LIN28B: variants seen among roughly 807,000 people sequenced by gnomAD.
LIN28B encodes the protein protein lin-28 homolog B.
Under a neutral mutation model 21.9 loss-of-function variants are expected in LIN28B, and 5 were observed. That is an observed-to-expected ratio of 0.23 (90% CI 0.12 to 0.48). LIN28B has a LOEUF of 0.48. Ranked by LOEUF, LIN28B falls within the 20% of genes least tolerant of loss-of-function variation. The probability of loss-of-function intolerance (pLI) is 0.98; values close to 1 mark genes in which losing one functional copy is unlikely to be tolerated. For synonymous variants in LIN28B, 109 were observed against 111.3 expected (o/e 0.98, Z 0.13); for missense variants, 245 against 310.5 (o/e 0.79, Z 1.58).
chr6:105,049,121 A>G (rs993649628), intron 3 of LIN28B, among the ~76,000 whole-genome samples: 2 of 152,044 alleles, frequency 1.3e-5, no homozygotes, highest in African/African-American at 4.8e-5. Flanking sequence ...TCAATTTTAG[A>G]TCTTTCCTGC....
At chr6:104,975,920 G>A (rs1289218183) in intron 2 of LIN28B, among the ~76,000 whole-genome samples, 2 of 147,272 alleles carry the variant, frequency 1.4e-5, no homozygotes, top group East Asian at 4.0e-4. Flanking sequence ...CAAGCAATCC[G>A]ATTACCCCAC....
chr6:104,962,046 A>G (rs1769756908), intron 2 of LIN28B, among the ~76,000 whole-genome samples: 1 of 152,100 alleles, frequency 6.6e-6, no homozygotes, highest in Non-Finnish European at 1.5e-5. Flanking sequence ...TATCTTACCT[A>G]ATAAGATGAA....
intron 2 of LIN28B, among the ~76,000 whole-genome samples, chr6:104,942,108 C>G (rs1363707169): frequency 1.3e-5 from 2 of 152,140 alleles, no homozygotes; most frequent in Non-Finnish European, 2.9e-5. Flanking sequence ...GAACTAAATT[C>G]TCCACTGTAG....
intron 2 of LIN28B, among the ~76,000 whole-genome samples, chr6:104,950,101 AAGT>A (rs1425497795): frequency 6.6e-6 from 1 of 152,178 alleles, no homozygotes; most frequent in Non-Finnish European, 1.5e-5. Context: ...ATTCTAGGTT[AAGT>A]AGATTTTAAC....
At chr6:104,985,262 T>C (rs1351860873) in intron 2 of LIN28B, among the ~76,000 whole-genome samples, 1 of 152,250 alleles carries the variant, frequency 6.6e-6, no homozygotes, top group African/African-American at 2.4e-5. Context: ...GAAGCATTCA[T>C]AGGAAAATTA....
intron 3 of LIN28B, among the ~76,000 whole-genome samples, chr6:105,072,903 T>G (rs1385411181): frequency 6.6e-6 from 1 of 152,234 alleles, no homozygotes; most frequent in East Asian, 1.9e-4. Flanking sequence ...GGGCTAGTCC[T>G]GTGGAGTGAG....
chr6:105,049,212 C>T (rs1771838412), intron 3 of LIN28B, among the ~76,000 whole-genome samples: 1 of 152,144 alleles, frequency 6.6e-6, no homozygotes, highest in South Asian at 2.1e-4. Flanking sequence ...TCTTTGTTCT[C>T]ATTGGTTTCA....
At chr6:104,985,025 T>C (rs1023044343) in intron 2 of LIN28B, among the ~76,000 whole-genome samples, 7 of 152,202 alleles carry the variant, frequency 4.6e-5, no homozygotes, top group African/African-American at 7.2e-5. Flanking sequence ...CGAATTTCCA[T>C]GGTAATAAAT....
At chr6:105,047,410 G>C (rs937360360) in intron 3 of LIN28B, among the ~76,000 whole-genome samples, 2 of 152,116 alleles carry the variant, frequency 1.3e-5, no homozygotes, top group Non-Finnish European at 2.9e-5. Flanking sequence ...ATGCTGTTTT[G>C]ATTACTATAG....
chr6:104,985,797 C>T (rs1031714562), intron 2 of LIN28B, among the ~76,000 whole-genome samples: 1 of 152,000 alleles, frequency 6.6e-6, no homozygotes, highest in Admixed American at 6.6e-5. Context: ...ATCTATGGTC[C>T]ATATACAGTT....
chr6:104,953,596 A>G (rs1271992737), upstream of LIN28B, among the ~76,000 whole-genome samples: 1 of 152,180 alleles, frequency 6.6e-6, no homozygotes, highest in Non-Finnish European at 1.5e-5. Flanking sequence ...ACTTAGGGAG[A>G]GGAGATGGTA....
chr6:105,044,803 C>T (rs2114372152), intron 3 of LIN28B, among the ~76,000 whole-genome samples: 1 of 152,126 alleles, frequency 6.6e-6, no homozygotes, highest in African/African-American at 2.4e-5. Flanking sequence ...TACCTCTTGC[C>T]CGACTAGTGC....
chr6:104,995,996 A>G (rs999642088), intron 2 of LIN28B, among the ~76,000 whole-genome samples: 4 of 151,090 alleles, frequency 2.6e-5, no homozygotes, highest in East Asian at 3.9e-4. Flanking sequence ...ACACATATAT[A>G]CATACCCCAC....
At chr6:105,026,181 A>G (rs1771284068) in intron 2 of LIN28B, 117 bp from the exon 3 acceptor site, 2 of 532,026 alleles carry the variant, frequency 3.8e-6, no homozygotes, top group South Asian at 1.2e-4. Context: ...TTAAGACTTT[A>G]TACTTTTGTA....
At chr6:105,024,968 G>C (rs1437029958) in intron 2 of LIN28B, among the ~76,000 whole-genome samples, 24 of 152,066 alleles carry the variant, frequency 1.6e-4, no homozygotes, top group Non-Finnish European at 2.9e-5. Flanking sequence ...TGGGAGTTGG[G>C]GAGGTGAGAA....
chr6:104,979,300 C>G (rs1770169967), intron 2 of LIN28B, among the ~76,000 whole-genome samples: 1 of 151,812 alleles, frequency 6.6e-6, no homozygotes, highest in South Asian at 2.1e-4. Context: ...ACCTCCGCCT[C>G]CCAGGCTCAA....
chr6:105,021,655 G>T (rs1771143999), intron 2 of LIN28B, among the ~76,000 whole-genome samples: 1 of 152,102 alleles, frequency 6.6e-6, no homozygotes, highest in Non-Finnish European at 1.5e-5. Flanking sequence ...TTTGCAAAAT[G>T]TCTATTCATG....
chr6:105,015,250 A>G (rs1211026749), intron 2 of LIN28B, among the ~76,000 whole-genome samples: 2 of 152,164 alleles, frequency 1.3e-5, no homozygotes, highest in Non-Finnish European at 2.9e-5. Context: ...TGCCTTCTTA[A>G]TGAGTTTTTA....
chr6:105,017,088 A>AAAG (rs1218318306), intron 2 of LIN28B, among the ~76,000 whole-genome samples: 2 of 151,732 alleles, frequency 1.3e-5, no homozygotes, highest in Non-Finnish European at 2.9e-5. Flanking sequence ...AAAAAAAAAA[A>AAAG]AAAAAGAAAG....
Sources: gnomAD v4.1 joint callset for allele counts (sites outside exome capture counted in the v4.1 genomes callset) on GRCh38, gnomAD v4.1.1 for gene constraint, MANE v1.5 for transcripts, NCBI Gene and HGNC (gene_info 2026-07-23, HGNC 2026-07-21) for gene names.